CDC42SE2: variants seen among roughly 807,000 people sequenced by gnomAD.
CDC42SE2 encodes CDC42 small effector protein 2.
CDC42SE2 carries 3 observed loss-of-function variants against 11.5 expected under a neutral mutation model. The observed-to-expected ratio is 0.26, with a 90% CI of 0.12 to 0.67. CDC42SE2 has a LOEUF of 0.67. CDC42SE2 is among the 30% of genes least tolerant of loss of function. The pLI is 0.80. For synonymous variants in CDC42SE2, 33 were observed against 34.8 expected (o/e 0.95, Z 0.18); for missense variants, 82 against 106.8 (o/e 0.77, Z 1.02).
chr5:131,292,921 A>AAAAC (rs1757491429), intron 1 of CDC42SE2, among the ~76,000 whole-genome samples: 2 of 139,052 alleles, frequency 1.4e-5, no homozygotes, highest in African/African-American at 6.2e-5. Flanking sequence ...AAAAAAAAAA[A>AAAAC]AAAAAAAAAA....
At chr5:131,349,744 G>A (rs912174207) in intron 2 of CDC42SE2, among the ~76,000 whole-genome samples, 2 of 151,664 alleles carry the variant, frequency 1.3e-5, no homozygotes, top group African/African-American at 4.9e-5. Flanking sequence ...TGAAGACTAA[G>A]GGAAAAATGT....
intron 2 of CDC42SE2, among the ~76,000 whole-genome samples, chr5:131,341,834 G>T (rs1340619060): frequency 6.6e-6 from 1 of 151,864 alleles, no homozygotes; most frequent in African/African-American, 2.4e-5. Flanking sequence ...GGTGGAGGTT[G>T]CAGTGAGCTG....
At chr5:131,235,900 A>G in the CDC42SE2 span, among the ~76,000 whole-genome samples, 1 of 152,162 alleles carries the variant, frequency 6.6e-6, no homozygotes. Flanking sequence ...GGCCCCATCC[A>G]GAAATAATTT....
At position 131,387,990 on chromosome 5, in the gene CDC42SE2, T is replaced by G. The variant is rs142090057; in HGVS notation, c.156+2346T>G. Among the ~76,000 whole-genome samples, 303 of 152,290 alleles carry G rather than the reference T, an allele frequency of 2.0e-3. 1 individual carries two copies. Among genetic ancestry groups the G allele is most frequent in the African/African-American group, 7.0e-3 (291 of 41,562 alleles). Reference sequence around the variant, plus strand: ...TGTGTTCTTGCTGCTAGGAATGGTGTTGTTCAATTAGTAACTTTTTTTTTT... The same window carrying G: ...TGTGTTCTTGCTGCTAGGAATGGTGGTGTTCAATTAGTAACTTTTTTTTTT... On this transcript the variant is annotated intron_variant, in intron 4 of 4. Transcript: ENST00000505065.
chr5:131,347,981 G>C (rs893492429), intron 2 of CDC42SE2, among the ~76,000 whole-genome samples: 1 of 152,180 alleles, frequency 6.6e-6, no homozygotes, highest in African/African-American at 2.4e-5. Context: ...ACTAGGTATT[G>C]ATGGGACGTA....
At chr5:131,385,101 T>C (rs986462932) in intron 3 of CDC42SE2, among the ~76,000 whole-genome samples, 1 of 152,066 alleles carries the variant, frequency 6.6e-6, no homozygotes, top group African/African-American at 2.4e-5. Context: ...CATAGAAAGG[T>C]AATTGGGTAT....
the CDC42SE2 span, among the ~76,000 whole-genome samples, chr5:131,235,889 C>T: frequency 4.6e-5 from 7 of 152,176 alleles, no homozygotes; most frequent in South Asian, 2.1e-4. Context: ...CCACCGCACC[C>T]GGCCCCATCC....
chr5:131,346,492 G>A (rs1409303398), intron 2 of CDC42SE2, among the ~76,000 whole-genome samples: 1 of 152,182 alleles, frequency 6.6e-6, no homozygotes, highest in African/African-American at 2.4e-5. Context: ...GGAGTACCCA[G>A]ATTCATAAAG....
intron 1 of CDC42SE2, among the ~76,000 whole-genome samples, chr5:131,265,779 A>G (rs1756846433): frequency 6.6e-6 from 1 of 152,230 alleles, no homozygotes; most frequent in African/African-American, 2.4e-5. Flanking sequence ...TCTACATTTT[A>G]AAATGAAGGG....
chr5:131,323,214 C>T (rs1758229058), intron 2 of CDC42SE2, among the ~76,000 whole-genome samples: 1 of 149,802 alleles, frequency 6.7e-6, no homozygotes, highest in Non-Finnish European at 1.5e-5. Flanking sequence ...TTAGTAGAGA[C>T]AGTGTCTCTC....
At chr5:131,237,448 T>C in the CDC42SE2 span, among the ~76,000 whole-genome samples, 4 of 152,244 alleles carry the variant, frequency 2.6e-5, no homozygotes, top group South Asian at 2.1e-4. Flanking sequence ...GATTTTTCTT[T>C]ATATCTGAGG....
chr5:131,289,965 T>C, intron 1 of CDC42SE2, among the ~76,000 whole-genome samples: 1 of 152,010 alleles, frequency 6.6e-6, no homozygotes, highest in East Asian at 1.9e-4. Flanking sequence ...GCCTCAGCCT[T>C]TTGAGTAGCT....
At chr5:131,356,872 C>A (rs1749563594) in intron 2 of CDC42SE2, among the ~76,000 whole-genome samples, 1 of 152,068 alleles carries the variant, frequency 6.6e-6, no homozygotes, top group Non-Finnish European at 1.5e-5. Context: ...CATGCCACTG[C>A]ATTCCAGCCT....
chr5:131,389,386 G>C (rs1169589722), intron 4 of CDC42SE2, among the ~76,000 whole-genome samples: 1 of 152,124 alleles, frequency 6.6e-6, no homozygotes, highest in Non-Finnish European at 1.5e-5. Flanking sequence ...TTACCTGAAG[G>C]TAGTCATTTT....
At chr5:131,386,649 A>C (rs745796374) in intron 4 of CDC42SE2, among the ~76,000 whole-genome samples, 21 of 152,198 alleles carry the variant, frequency 1.4e-4, no homozygotes, top group Non-Finnish European at 2.2e-4. Flanking sequence ...ACCAGAATGC[A>C]TTATAATAGA....
chr5:131,227,727 T>G, the CDC42SE2 span, among the ~76,000 whole-genome samples: 1 of 151,968 alleles, frequency 6.6e-6, no homozygotes, highest in Non-Finnish European at 1.5e-5. Context: ...ATTCTAGAAT[T>G]GGAGGTGATA....
intron 2 of CDC42SE2, among the ~76,000 whole-genome samples, chr5:131,344,178 T>G (rs1377075491): frequency 6.6e-6 from 1 of 152,090 alleles, no homozygotes; most frequent in Admixed American, 6.5e-5. Flanking sequence ...AGACAGTGGG[T>G]GCAGCCCACG....
At chr5:131,319,909 G>A (rs1249119351) in intron 2 of CDC42SE2, among the ~76,000 whole-genome samples, 4 of 151,828 alleles carry the variant, frequency 2.6e-5, no homozygotes, top group Admixed American at 2.6e-4. Context: ...AAATTAGCTG[G>A]GCGTGGTGGC....
At chr5:131,362,141 C>T (rs1324613167) in intron 3 of CDC42SE2, among the ~76,000 whole-genome samples, 3 of 152,088 alleles carry the variant, frequency 2.0e-5, no homozygotes, top group Admixed American at 2.0e-4. Context: ...CCAGCACTTC[C>T]CTGTTCCCAC....
Sources: allele counts gnomAD v4.1 joint callset (sites outside exome capture counted in the v4.1 genomes callset), GRCh38; gene constraint gnomAD v4.1.1; transcripts MANE v1.5; gene names NCBI Gene and HGNC (gene_info 2026-07-23, HGNC 2026-07-21).